The following CEP192 variants were observed in gnomAD, a reference collection of about 807,000 sequenced individuals.
CEP192 encodes the protein centrosomal protein 192.
CEP192 carries 151 observed loss-of-function variants against 271.8 expected under a neutral mutation model. The observed-to-expected ratio is 0.56, with a 90% CI of 0.49 to 0.64. The LOEUF (loss-of-function observed/expected upper bound fraction) is 0.64, where lower values mean the gene tolerates loss of function less well. Ranked by LOEUF, CEP192 falls within the 30% of genes least tolerant of loss-of-function variation. The pLI, the probability that CEP192 is intolerant of heterozygous loss-of-function variation, is 0.00. For missense variants in CEP192, 2,910 were observed against 3,020.5 expected (o/e 0.96, Z 0.86); for synonymous variants, 995 against 1,076.5 (o/e 0.92, Z 1.48).
chr18:13,035,589 A>G (rs371582523), intron 11 of CEP192, among the ~76,000 whole-genome samples: 1 of 152,266 alleles, frequency 6.6e-6, no homozygotes, highest in African/African-American at 2.4e-5. Flanking sequence ...TAACAATTCA[A>G]GTTGAGATTT....
chr18:12,996,196 AGGTCATAGCAG>A (rs1323557645), intron 1 of CEP192, among the ~76,000 whole-genome samples: 1 of 128,250 alleles, frequency 7.8e-6, no homozygotes, highest in African/African-American at 3.0e-5. Flanking sequence ...GGCCTGACCA[AGGTCATAGCAG>A]GGTTGGGGGG....
chr18:13,087,144 T>C lies in CEP192; in HGVS notation c.5744T>C (p.Val1915Ala), dbSNP rs770934203. The change falls in exon 31 of 45, where the codon GTC becomes GCC. Residue 1915 changes from valine (V) to alanine (A), a missense_variant. By Grantham distance (64) the Val-to-Ala change is moderately conservative (BLOSUM62 0). Coordinates refer to ENST00000506447, the MANE Select transcript of CEP192 (RefSeq NM_032142.4). Reference sequence around the variant, plus strand: ...AAAGAAAGTAAAATTGTTTTTTCTGTCCGCAACACTGGCTCCCGAGCAGCT... The same window carrying C: ...AAAGAAAGTAAAATTGTTTTTTCTGCCCGCAACACTGGCTCCCGAGCAGCT... ...PGKESKIVFS[V>A]RNTGSRAAFV... 6.2e-7 allele frequency: 1 copy of C among 1,614,128 alleles called. No homozygotes were observed. Among genetic ancestry groups the C allele is most frequent in the Non-Finnish European group, 8.5e-7 (1 of 1,179,996 alleles).
At chr18:13,014,642 T>C (rs754282676) in intron 5 of CEP192, among the ~76,000 whole-genome samples, 54 of 152,224 alleles carry the variant, frequency 3.5e-4, no homozygotes, top group Non-Finnish European at 7.1e-4. Context: ...CAGTAGATTA[T>C]AGTAGTCCTT....
chr18:13,099,051 G>A (rs1429014386), intron 36 of CEP192, among the ~76,000 whole-genome samples: 3 of 152,142 alleles, frequency 2.0e-5, no homozygotes, highest in East Asian at 1.9e-4. Flanking sequence ...GTGGCAGCGC[G>A]CGCCTGCAAT....
At chr18:13,056,729 T>A in intron 19 of CEP192, 31 bp downstream of exon 19, 1 of 1,497,590 alleles carries the variant, frequency 6.7e-7, no homozygotes, top group Non-Finnish European at 9.0e-7. Flanking sequence ...TATTATTACT[T>A]GCTATTATTT....
At chr18:13,020,730 A>G (rs1306190510) in intron 9 of CEP192, among the ~76,000 whole-genome samples, 1 of 152,224 alleles carries the variant, frequency 6.6e-6, no homozygotes, top group Non-Finnish European at 1.5e-5. Flanking sequence ...CATCCTATTT[A>G]ACACTCTTTA....
At chr18:13,062,106 A>T (rs534141856) in intron 21 of CEP192, among the ~76,000 whole-genome samples, 2 of 152,276 alleles carry the variant, frequency 1.3e-5, no homozygotes, top group Admixed American at 1.3e-4. Flanking sequence ...TGCTCATTGG[A>T]ATCACCTGAT....
In CEP192 at chr18:13,019,188, T is replaced by G. The variant is rs2034839081; in HGVS notation, c.1032T>G (p.Ile344Met). The G allele has an allele frequency of 1.3e-6, 2 of 1,540,208 alleles. No homozygotes were observed. Among genetic ancestry groups the G allele is most frequent in the African/African-American group, 1.4e-5 (1 of 72,270 alleles). Residue 344 changes from isoleucine (I) to methionine (M), a missense_variant, in exon 9 of 45, where the codon ATT becomes ATG. Physicochemically the swap from Ile to Met is conservative, Grantham distance 10. Transcript: ENST00000506447. The part of the protein sequence containing the change: ...TEKEIENLKG[I>M]VPDLNSECAS... The stretch of plus-strand genomic sequence containing the variant: ...AAGAAATAGAAAATTTGAAGGGTAT[T>G]GTTCCAGATCTTAACAGTGTAAGTT...
intron 21 of CEP192, among the ~76,000 whole-genome samples, chr18:13,060,763 A>T (rs56772451): frequency 0.017 from 2,625 of 152,122 alleles, 65 homozygotes; most frequent in African/African-American, 0.059. Flanking sequence ...TCTCTACACA[A>T]AATTTTAAAA....
chr18:13,048,448 C>G (rs1377166532), intron 15 of CEP192, among the ~76,000 whole-genome samples: 1 of 152,104 alleles, frequency 6.6e-6, no homozygotes, highest in Non-Finnish European at 1.5e-5. Context: ...TTGGATACAC[C>G]AGAGAGGAGC....
chr18:13,055,671 G>T, intron 18 of CEP192, 109 bp from the exon 19 acceptor site: 1 of 707,716 alleles, frequency 1.4e-6, no homozygotes, highest in African/African-American at 1.8e-5. Context: ...TTTTTTCAAA[G>T]AGACACCTCA....
Position 13,030,579 on chromosome 18 carries a change from A to T in CEP192, c.1505A>T (p.Asp502Val). The T allele has an allele frequency of 6.2e-7, 1 of 1,610,444 alleles. No individual in the cohort carries two copies. The highest frequency in any genetic ancestry group is 8.5e-7 in the Non-Finnish European group (1 of 1,177,356). Residue 502 changes from aspartate (D) to valine (V), a missense_variant, in exon 11 of 45, where the codon GAT becomes GTT. Transcript: ENST00000506447. ...SKQNLNVSLS[D>V]EMNEDFRSGS... is the part of the protein sequence containing the mutation. ...CAAAATTTAAATGTGTCTCTAAGTG[A>T]TGAGATGAATGAAGACTTCAGATCT...
At chr18:13,070,179 C>A (rs1431310107) in intron 27 of CEP192, among the ~76,000 whole-genome samples, 1 of 151,848 alleles carries the variant, frequency 6.6e-6, no homozygotes, top group Non-Finnish European at 1.5e-5. Context: ...GTTTTAATGA[C>A]AAAGTTTTAC....
chr18:13,119,646 G>T (rs2040577569), intron 44 of CEP192, among the ~76,000 whole-genome samples: 1 of 152,140 alleles, frequency 6.6e-6, no homozygotes, highest in South Asian at 2.1e-4. Flanking sequence ...GGAGACTGAG[G>T]CAGGAGAATC....
chr18:13,073,952 C>T (rs1487567141), intron 30 of CEP192, among the ~76,000 whole-genome samples: 1 of 152,110 alleles, frequency 6.6e-6, no homozygotes, highest in Non-Finnish European at 1.5e-5. Context: ...TTTTAATTGC[C>T]AGCATAATAT....
chr18:13,063,982 G>A (rs957730929), intron 21 of CEP192, among the ~76,000 whole-genome samples: 1 of 150,896 alleles, frequency 6.6e-6, no homozygotes. Context: ...CACCACGCCT[G>A]GCTAATTTTT....
rs748051132 is a variant in CEP192 at position 13,008,475 on chromosome 18, A to T, written c.310A>T (p.Ser104Cys). 11 of 1,548,530 alleles carry T rather than the reference A, an allele frequency of 7.1e-6. No individual in the cohort carries two copies. The highest frequency in any genetic ancestry group is 9.6e-6 in the Non-Finnish European group (11 of 1,145,582). ...QDDDSISRKK[S>C]YVESQRLSNA... ...AAAAAGTTCTATCTCTAGGAAAAAG[A>T]GCTATGTGGAAAGTCAACGTTTGTC... The change falls in exon 4 of 45, where the codon AGC (serine) becomes TGC (cysteine). Residue 104 changes from serine to cysteine, a missense_variant. By Grantham distance (112) the Ser-to-Cys change is moderately radical. Coordinates refer to ENST00000506447, the MANE Select transcript of CEP192 (RefSeq NM_032142.4).
Position 12,999,536 on chromosome 18 carries a change from T to A in CEP192, c.112T>A (p.Leu38Met), listed in dbSNP as rs771454038. 2 of 1,550,982 alleles carry A rather than the reference T, an allele frequency of 1.3e-6. No individual in the cohort carries two copies. The highest frequency in any genetic ancestry group is 1.7e-6 in the Non-Finnish European group (2 of 1,146,792). Residue 38 changes from leucine (L) to methionine (M), a missense_variant, in exon 2 of 45, where the codon TTG (leucine) becomes ATG (methionine). Physicochemically the swap from Leu to Met is conservative, Grantham distance 15 (BLOSUM62 2). Coordinates refer to ENST00000506447, the MANE Select transcript of CEP192 (RefSeq NM_032142.4). ...ENVTLSSNLG[L>M]PVAVSTLARD... is the part of the protein sequence containing the mutation. ...TGTCACTCTTTCTTCAAATCTTGGCTTGCCTGTTGCTGTTTCTACACTTGC... is the reference window on the plus strand; with the variant it reads ...TGTCACTCTTTCTTCAAATCTTGGCATGCCTGTTGCTGTTTCTACACTTGC...
chr18:13,016,977 T>A (rs376256771), intron 6 of CEP192, among the ~76,000 whole-genome samples: 16 of 152,222 alleles, frequency 1.1e-4, no homozygotes, highest in African/African-American at 3.4e-4. Flanking sequence ...TGTCCTGTCT[T>A]CTCAAAGAGG....
Sources: allele counts gnomAD v4.1 joint callset (sites outside exome capture counted in the v4.1 genomes callset), GRCh38; gene constraint gnomAD v4.1.1; transcripts MANE v1.5; gene names NCBI Gene and HGNC (gene_info 2026-07-23, HGNC 2026-07-21).